Variants in CTNND2 observed in about 807,000 individuals in gnomAD.
CTNND2 encodes catenin delta-2.
CTNND2 carries 22 observed loss-of-function variants against 144.4 expected under a neutral mutation model. That is an observed-to-expected ratio of 0.15 (90% confidence interval 0.11 to 0.22). CTNND2 has a LOEUF of 0.22. Ranked by LOEUF, CTNND2 falls within the 10% of genes least tolerant of loss-of-function variation. The probability of loss-of-function intolerance (pLI) is 1.00; values close to 1 mark genes in which losing one functional copy is unlikely to be tolerated. For missense variants in CTNND2, 1,353 were observed against 1,618.8 expected (o/e 0.84, Z 2.82); for synonymous variants, 751 against 695.6 (o/e 1.08, Z -1.25).
chr5:11,498,804 G>A (rs1770242031), intron 3 of CTNND2, among the ~76,000 whole-genome samples: 1 of 152,130 alleles, frequency 6.6e-6, no homozygotes, highest in African/African-American at 2.4e-5. Flanking sequence ...TAACAGTGAG[G>A]TTTTCTACAT....
chr5:11,857,801 T>C (rs549992711), intron 1 of CTNND2, among the ~76,000 whole-genome samples: 5 of 152,334 alleles, frequency 3.3e-5, no homozygotes, highest in Admixed American at 2.6e-4. Context: ...TGTTTTGTGA[T>C]CGTGCATGAG....
chr5:11,416,614 AAACT>A (rs1761956438), intron 3 of CTNND2, among the ~76,000 whole-genome samples: 1 of 152,222 alleles, frequency 6.6e-6, no homozygotes. Context: ...AAAAGCAAAC[AAACT>A]ATTTATTTAT....
intron 3 of CTNND2, among the ~76,000 whole-genome samples, chr5:11,465,177 G>A (rs1442432544): frequency 6.6e-6 from 1 of 151,908 alleles, no homozygotes; most frequent in Non-Finnish European, 1.5e-5. Flanking sequence ...TGTTCACATT[G>A]TTAATAATCT....
intron 10 of CTNND2, among the ~76,000 whole-genome samples, chr5:11,230,417 A>G (rs1580652980): frequency 6.6e-6 from 1 of 152,124 alleles, no homozygotes; most frequent in East Asian, 1.9e-4. Flanking sequence ...CTCCTAAAAG[A>G]TGCTTATAGT....
chr5:11,621,351 G>C (rs2126426593), intron 2 of CTNND2, among the ~76,000 whole-genome samples: 1 of 152,168 alleles, frequency 6.6e-6, no homozygotes, highest in South Asian at 2.1e-4. Flanking sequence ...AAGTAGGTTT[G>C]AATTATCAAA....
intron 16 of CTNND2, among the ~76,000 whole-genome samples, chr5:11,065,615 A>C (rs190367805): frequency 6.6e-6 from 1 of 152,272 alleles, no homozygotes. Context: ...CTGAGGACTA[A>C]ACTCTGATTT....
intron 9 of CTNND2, among the ~76,000 whole-genome samples, chr5:11,265,698 ATT>A (rs5865929): frequency 0.088 from 6,720 of 76,524 alleles, 66 homozygotes; most frequent in Admixed American, 0.15. Context: ...TGTATTCTCT[ATT>A]TTTTTTTTTT....
intron 9 of CTNND2, among the ~76,000 whole-genome samples, chr5:11,252,371 T>TG (rs374909118): frequency 7.3e-5 from 11 of 151,716 alleles, no homozygotes; most frequent in Admixed American, 2.6e-4. Context: ...GAAACTGGGG[T>TG]GGGGGGGAGA....
At chr5:11,501,654 C>T (rs530148735) in intron 3 of CTNND2, among the ~76,000 whole-genome samples, 16 of 152,174 alleles carry the variant, frequency 1.1e-4, no homozygotes, top group South Asian at 2.1e-4. Context: ...GAGGTGGGAA[C>T]GCTGGGAGGT....
At position 10,988,087 on chromosome 5, in the gene CTNND2, A is replaced by AGGG. The variant is rs774470710; in HGVS notation, c.3343+21_3343+23dup. ...GCGGGTCAAGCCACCAAGTTCCAGG[A>AGGG]GGGGGCGCGCGAGGGGCGCTCACCT... On this transcript the variant is annotated intron_variant, in intron 20 of 21. Coordinates refer to ENST00000304623, the MANE Select transcript of CTNND2 (RefSeq NM_001332.4). This position sits in a 1 kb window ranked among gnomAD's most constrained non-coding sequence, Gnocchi z 5.9. 1 of 1,613,554 alleles carries AGGG rather than the reference A, an allele frequency of 6.2e-7. No homozygotes were observed. Among genetic ancestry groups the AGGG allele is most frequent in the Non-Finnish European group, 8.5e-7 (1 of 1,179,714 alleles).
intron 12 of CTNND2, among the ~76,000 whole-genome samples, chr5:11,136,922 C>A (rs1475435319): frequency 6.6e-6 from 1 of 152,230 alleles, no homozygotes; most frequent in Non-Finnish European, 1.5e-5. Context: ...CCTGACCAGG[C>A]TAAATTCATT....
At chr5:11,107,403 A>C (rs747438436) in intron 14 of CTNND2, among the ~76,000 whole-genome samples, 1 of 152,212 alleles carries the variant, frequency 6.6e-6, no homozygotes, top group Non-Finnish European at 1.5e-5. Context: ...ATTTAGCCCT[A>C]GAGTCTCACT....
At position 11,814,292 on chromosome 5, in the gene CTNND2, A is replaced by G. The variant is rs776762396; in HGVS notation, c.38-82020T>C. On this transcript the variant is annotated intron_variant, in intron 1 of 21. Coordinates refer to ENST00000304623, the MANE Select transcript of CTNND2 (RefSeq NM_001332.4). ...TACAGAGAGCAATCATGAATCTCAT[A>G]TATAAAACTGAAGGCGTCTTGACAT... 9.8e-5 allele frequency among the ~76,000 whole-genome samples: 15 copies of G among 152,350 alleles called. No homozygotes were observed. The East Asian group carries it at 1.5e-3, about 16-fold the overall frequency.
chr5:11,860,228 C>G (rs1321693899), intron 1 of CTNND2, among the ~76,000 whole-genome samples: 1 of 152,154 alleles, frequency 6.6e-6, no homozygotes, highest in Admixed American at 6.5e-5. Flanking sequence ...CAAAATAGCA[C>G]CCACATTTCC....
At chr5:11,400,333 T>C (rs1005320558) in intron 5 of CTNND2, among the ~76,000 whole-genome samples, 3 of 152,186 alleles carry the variant, frequency 2.0e-5, no homozygotes, top group Non-Finnish European at 4.4e-5. Flanking sequence ...AGTAGACATC[T>C]GAACTGTGAG....
At position 10,973,686 on chromosome 5, in the gene CTNND2, G is replaced by A. The variant is rs371302715; in HGVS notation, c.3445C>T (p.Pro1149Ser). The A allele has an allele frequency of 7.5e-6, 12 of 1,609,954 alleles. No individual in the cohort carries two copies. In the African/African-American group the frequency reaches 1.3e-4, roughly 18 times the overall value. Residue 1149 changes from proline to serine, a missense_variant, in exon 22 of 22, where the codon CCC becomes TCC. By Grantham distance (74) the Pro-to-Ser change is moderately conservative (BLOSUM62 -1). Around this residue, in one of 4 missense-constraint regions of CTNND2, gnomAD observed 459 missense variants for 674.3 expected, o/e 0.68. Coordinates refer to ENST00000304623, the MANE Select transcript of CTNND2 (RefSeq NM_001332.4). The surrounding 1 kb of genome is among the most constrained non-coding windows in gnomAD (Gnocchi z 5.6). ...TAGGTCTCGTAATCTTTTCTGCTGG[G>A]CTCCTGTGGGACTGGCTGTGCTGAA... ...QVSAQPVPQE[P>S]SRKDYETYQP...
At chr5:11,193,964 A>G (rs771828687) in intron 11 of CTNND2, among the ~76,000 whole-genome samples, 1 of 152,236 alleles carries the variant, frequency 6.6e-6, no homozygotes, top group Non-Finnish European at 1.5e-5. Flanking sequence ...ACTTTGTTTA[A>G]TATTCAAAAC....
chr5:11,364,915 T>G, intron 7 of CTNND2, 25 bp from the exon 8 acceptor site: 1 of 1,592,148 alleles, frequency 6.3e-7, no homozygotes, highest in East Asian at 2.3e-5. Flanking sequence ...CAGAGGGACA[T>G]CAAAGCTCAG....
chr5:11,241,128 G>A (rs764359779), intron 9 of CTNND2, among the ~76,000 whole-genome samples: 3 of 148,998 alleles, frequency 2.0e-5, no homozygotes, highest in Middle Eastern at 3.2e-3. Flanking sequence ...CATCCAACAC[G>A]CTCAAACACA....
Sources: allele counts gnomAD v4.1 joint callset (sites outside exome capture counted in the v4.1 genomes callset), GRCh38; gene constraint gnomAD v4.1.1; regional missense constraint gnomAD v4.1.1; non-coding constraint Gnocchi (gnomAD v3.1); transcripts MANE v1.5; gene names NCBI Gene and HGNC (gene_info 2026-07-23, HGNC 2026-07-21).